ANKHD1: variants seen among roughly 807,000 people sequenced by gnomAD.
ANKHD1 encodes the protein ankyrin repeat and KH domain containing 1.
ANKHD1 carries 31 observed loss-of-function variants against 230.5 expected under a neutral mutation model. The observed-to-expected ratio is 0.13, with a 90% confidence interval of 0.10 to 0.18. The LOEUF (loss-of-function observed/expected upper bound fraction) is 0.18. Among genes scored for constraint, ANKHD1 ranks in the 10% least tolerant of loss-of-function variants. The probability of loss-of-function intolerance (pLI) is 1.00; values close to 1 mark genes in which losing one functional copy is unlikely to be tolerated. For missense variants in ANKHD1, 2,256 were observed against 3,071.3 expected, an observed-to-expected ratio of 0.73 and a Z score of 6.27; for synonymous variants, 1,074 against 1,117.6, an observed-to-expected ratio of 0.96 and a Z score of 0.78.
Position 140,528,933 on chromosome 5 carries a change from G to C in ANKHD1, c.5987G>C (p.Ser1996Thr). Reference sequence around the variant, plus strand: ...TCTGTCTCCTCTGCACCTATCACTAGCGGGCAAGCTCCCACCACATTTCTA... The same window carrying C: ...TCTGTCTCCTCTGCACCTATCACTACCGGGCAAGCTCCCACCACATTTCTA... ...LPSVSSAPIT[S>T]GQAPTTFLPA... Residue 1996 changes from serine (S) to threonine (T), a missense_variant, in exon 29 of 34, where the codon AGC becomes ACC. Ser to Thr is a moderately conservative substitution (Grantham distance 58). This residue lies in a region of ANKHD1 where 778 missense variants were observed against 966.5 expected (regional missense o/e 0.80). Coordinates refer to ENST00000360839, the MANE Select transcript of ANKHD1 (RefSeq NM_017747.3). 6.2e-7 allele frequency: 1 copy of C among 1,614,148 alleles called. No individual in the cohort carries two copies. Among genetic ancestry groups the C allele is most frequent in the East Asian group, 2.2e-5 (1 of 44,888 alleles).
intron 24 of ANKHD1, among the ~76,000 whole-genome samples, chr5:140,513,744 G>T (rs1752861097): frequency 6.6e-6 from 1 of 150,934 alleles, no homozygotes; most frequent in African/African-American, 2.4e-5. Flanking sequence ...GGGAGGCAGA[G>T]GTTGCAGTGA....
At chr5:140,523,247 C>T (rs535678922) in intron 24 of ANKHD1, among the ~76,000 whole-genome samples, 90 of 151,002 alleles carry the variant, frequency 6.0e-4, no homozygotes, top group Non-Finnish European at 1.0e-3. Flanking sequence ...ACTGGGACTA[C>T]AGGCATAGGT....
intron 10 of ANKHD1, among the ~76,000 whole-genome samples, chr5:140,466,519 A>G (rs1283003692): frequency 1.3e-5 from 2 of 152,146 alleles, no homozygotes; most frequent in Non-Finnish European, 2.9e-5. Flanking sequence ...TAAATATTTT[A>G]TTTTTACTGT....
intron 1 of ANKHD1, among the ~76,000 whole-genome samples, chr5:140,426,912 A>G (rs1772472029): frequency 6.6e-6 from 1 of 152,136 alleles, no homozygotes; most frequent in South Asian, 2.1e-4. Flanking sequence ...TCCCATGTCT[A>G]CCTCTTTCTA....
rs761920383 is a variant in ANKHD1 at position 140,527,082 on chromosome 5, G to T, written c.5087+8G>T. The T allele has an allele frequency of 6.2e-7, 1 of 1,605,450 alleles. No homozygotes were observed. The highest frequency in any genetic ancestry group is 8.5e-7 in the Non-Finnish European group (1 of 1,176,986). ...GAAAGAAGTTGTACGAAGGTAAATA[G>T]AATTAGTTCCATCTTTTTAGCTTTC... On this transcript the variant is annotated splice_region_variant and intron_variant, in intron 27 of 33. Transcript: ENST00000360839. The surrounding 1 kb of genome is among the most constrained non-coding windows in gnomAD (Gnocchi z 4.5).
chr5:140,440,065 T>A (rs1212806436), intron 3 of ANKHD1, 54 bp from the exon 4 acceptor site: 1 of 1,475,956 alleles, frequency 6.8e-7, no homozygotes, highest in East Asian at 2.5e-5. Flanking sequence ...TAATTTATCA[T>A]AGGACCCCCG....
chr5:140,496,458 T>G, intron 14 of ANKHD1, 62 bp from the exon 15 acceptor site: 2 of 1,187,626 alleles, frequency 1.7e-6, no homozygotes, highest in Non-Finnish European at 2.2e-6. Context: ...TTTTTTTTCT[T>G]TTCTTTTTTT....
At chr5:140,408,066 A>G (rs1770620861) in intron 1 of ANKHD1, among the ~76,000 whole-genome samples, 1 of 152,138 alleles carries the variant, frequency 6.6e-6, no homozygotes, top group Non-Finnish European at 1.5e-5. Context: ...AATCCTAGCC[A>G]CTTGGGAGGC....
In ANKHD1 at chr5:140,529,668, C is replaced by T; in HGVS notation, c.6722C>T (p.Ala2241Val). The part of the protein sequence containing the change: ...GPLSSRVATD[A>V]SFTVQSAFLG... ...CTGTCCTCACGAGTTGCTACAGATG[C>T]CTCTTTCACTGTTCAGTCAGCGTTC... The change falls in exon 29 of 34, where the codon GCC becomes GTC. Residue 2241 changes from alanine to valine, a missense_variant. Transcript: ENST00000360839. 1 of 1,614,204 alleles carries T rather than the reference C, an allele frequency of 6.2e-7. No homozygotes were observed. The highest frequency in any genetic ancestry group is 8.5e-7 in the Non-Finnish European group (1 of 1,180,030).
chr5:140,490,183 A>G (rs1464962685), intron 14 of ANKHD1, among the ~76,000 whole-genome samples: 2 of 151,998 alleles, frequency 1.3e-5, no homozygotes, highest in African/African-American at 4.8e-5. Flanking sequence ...GTGATTAGGG[A>G]TGGACAAAGG....
intron 15 of ANKHD1, among the ~76,000 whole-genome samples, chr5:140,499,464 TA>T (rs1752179963): frequency 6.6e-6 from 1 of 152,186 alleles, no homozygotes. Flanking sequence ...ACTTTAGAAG[TA>T]AATTTTACTT....
chr5:140,406,988 G>C (rs962355097), intron 1 of ANKHD1, among the ~76,000 whole-genome samples: 1 of 151,044 alleles, frequency 6.6e-6, no homozygotes, highest in African/African-American at 2.4e-5. Flanking sequence ...TAGAAGTTAG[G>C]TTAAAAATTT....
At chr5:140,538,722 CTTGTT>C (rs1754184777) in intron 32 of ANKHD1, among the ~76,000 whole-genome samples, 192 bp from the exon 33 acceptor site, 1 of 152,136 alleles carries the variant, frequency 6.6e-6, no homozygotes, top group Non-Finnish European at 1.5e-5. Flanking sequence ...CTTTCTCTCT[CTTGTT>C]TTTTGTTGAA....
At chr5:140,450,078 AAG>A (rs1415149345) in intron 7 of ANKHD1, among the ~76,000 whole-genome samples, 2 of 152,184 alleles carry the variant, frequency 1.3e-5, no homozygotes, top group Admixed American at 6.5e-5. Flanking sequence ...GCATATCTAA[AAG>A]AGAGTGCAAA....
rs143978674 is a variant in ANKHD1 at position 140,529,106 on chromosome 5, T to A, written c.6160T>A (p.Ser2054Thr). 6.2e-7 allele frequency: 1 copy of A among 1,613,952 alleles called. No homozygotes were observed. Among genetic ancestry groups the A allele is most frequent in the African/African-American group, 1.3e-5 (1 of 74,926 alleles). ...TTCAACTGCAAACAGTTGCAGTAGC[T>A]CTGCCAGCAACACCCCGGGAGCTCC... Reference protein sequence around the residue: ...PSSTANSCSSSASNTPGAPET... With the variant: ...PSSTANSCSSTASNTPGAPET... Residue 2054 changes from serine to threonine, a missense_variant, in exon 29 of 34, where the codon TCT becomes ACT. This residue lies in a region of ANKHD1 where 778 missense variants were observed against 966.5 expected (regional missense o/e 0.80). Coordinates refer to ENST00000360839, the MANE Select transcript of ANKHD1 (RefSeq NM_017747.3).
intron 9 of ANKHD1, among the ~76,000 whole-genome samples, chr5:140,463,399 G>A (rs1195454833): frequency 6.6e-6 from 1 of 152,040 alleles, no homozygotes; most frequent in Non-Finnish European, 1.5e-5. Flanking sequence ...TCCTGCTCCA[G>A]CCTTGGGATC....
chr5:140,413,506 C>T (rs1771103314), intron 1 of ANKHD1, among the ~76,000 whole-genome samples: 1 of 152,192 alleles, frequency 6.6e-6, no homozygotes, highest in Non-Finnish European at 1.5e-5. Context: ...CTCCCATTCT[C>T]CCTTCCCCCA....
chr5:140,427,768 G>C (rs1214571021), intron 1 of ANKHD1, among the ~76,000 whole-genome samples: 1 of 150,966 alleles, frequency 6.6e-6, no homozygotes, highest in Non-Finnish European at 1.5e-5. Context: ...CTGGCCGGGC[G>C]GGGGGCTGAT....
intron 1 of ANKHD1, among the ~76,000 whole-genome samples, chr5:140,429,979 C>A (rs1347123977): frequency 6.6e-6 from 1 of 152,164 alleles, no homozygotes; most frequent in Non-Finnish European, 1.5e-5. Flanking sequence ...CTCTTGGTAA[C>A]TGTTGCATCC....
Sources: gnomAD v4.1 joint callset for allele counts (sites outside exome capture counted in the v4.1 genomes callset) on GRCh38, gnomAD v4.1.1 for gene constraint, gnomAD v4.1.1 regional missense constraint, Gnocchi (gnomAD v3.1) non-coding constraint, MANE v1.5 for transcripts, NCBI Gene and HGNC (gene_info 2026-07-23, HGNC 2026-07-21) for gene names.